Variants in RANGAP1 observed in about 807,000 individuals in gnomAD.
The protein encoded by RANGAP1 is ran GTPase-activating protein 1.
A neutral mutation model predicts 63.5 loss-of-function variants in RANGAP1; 38 were observed. The ratio of observed to expected loss-of-function variants is 0.60; its 90% CI spans 0.46 to 0.78. The LOEUF is 0.78. Ranked by LOEUF, RANGAP1 falls within the 30% of genes least tolerant of loss-of-function variation. RANGAP1 has a pLI of 0.00. For missense variants in RANGAP1, 630 were observed against 740.3 expected (o/e 0.85, Z 1.73); for synonymous variants, 329 against 310.5 (o/e 1.06, Z -0.63).
At position 41,249,331 on chromosome 22, in the gene RANGAP1, T is replaced by C. The variant is rs1202289723; in HGVS notation, c.1693A>G (p.Lys565Glu). The change falls in exon 15 of 16, where the codon AAG (lysine) becomes GAG (glutamate). Residue 565 changes from lysine (K) to glutamate (E), a missense_variant and splice_region_variant. Lys to Glu is a moderately conservative substitution (Grantham distance 56). Transcript: ENST00000356244. The stretch of plus-strand genomic sequence containing the variant: ...GCAGAAGGACAAGGCCACACTCACT[T>C]GGTCACGAACGCCAGCAGCAGGGGT... Reference protein sequence around the residue: ...LAPLLLAFVTKPNSALESCSF... With the variant: ...LAPLLLAFVTEPNSALESCSF... 6.3e-7 allele frequency: 1 copy of C among 1,599,504 alleles called. No homozygotes were observed. Among genetic ancestry groups the C allele is most frequent in the African/African-American group, 1.3e-5 (1 of 74,874 alleles).
chr22:41,259,555 T>C (rs1391748424), intron 6 of RANGAP1, among the ~76,000 whole-genome samples: 1 of 152,224 alleles, frequency 6.6e-6, no homozygotes, highest in East Asian at 1.9e-4. Flanking sequence ...TTCTTGTTAA[T>C]GCACCAAATA....
the RANGAP1 span, among the ~76,000 whole-genome samples, chr22:41,296,775 G>A: frequency 1.3e-5 from 2 of 152,118 alleles, no homozygotes; most frequent in African/African-American, 4.8e-5. Flanking sequence ...ACGTATGAGA[G>A]AGAGACACAC....
At position 41,254,319 on chromosome 22, in the gene RANGAP1, G is replaced by A. The variant is rs2033670037; in HGVS notation, c.1249C>T (p.Pro417Ser). Residue 417 changes from proline to serine, a missense_variant, in exon 11 of 16, where the codon CCT (proline) becomes TCT (serine). Transcript: ENST00000356244. Reference sequence around the variant, plus strand: ...TGATAGAAACTCACCCCAGTGTTAGGGTCCAGAATCTTCCGTGAGGGCGTG... The same window carrying A: ...TGATAGAAACTCACCCCAGTGTTAGAGTCCAGAATCTTCCGTGAGGGCGTG... ...SATPSRKILD[P>S]NTGEPAPVLS... 1 of 1,614,034 alleles carries A rather than the reference G, an allele frequency of 6.2e-7. No homozygotes were observed. Among genetic ancestry groups the A allele is most frequent in the Non-Finnish European group, 8.5e-7 (1 of 1,179,996 alleles).
chr22:41,264,536 T>C, intron 5 of RANGAP1, 128 bp downstream of exon 5: 1 of 1,219,230 alleles, frequency 8.2e-7, no homozygotes, highest in East Asian at 2.6e-5. Context: ...CTGTTGCCTT[T>C]GAGGCCTTTC....
At chr22:41,285,961 GA>G in intron 1 of RANGAP1, 24 bp downstream of exon 1, 1 of 152,956 alleles carries the variant, frequency 6.5e-6, no homozygotes, top group South Asian at 2.1e-4. Flanking sequence ...AGGTGACGGG[GA>G]AAGGAAAGGG....
At chr22:41,249,483 C>T in intron 14 of RANGAP1, 32 bp from the exon 15 acceptor site, 1 of 1,555,270 alleles carries the variant, frequency 6.4e-7, no homozygotes. Flanking sequence ...GCGGGGTGAG[C>T]TTCAAAGTCA....
At chr22:41,276,986 G>GA (rs762582801) in intron 2 of RANGAP1, among the ~76,000 whole-genome samples, 2,106 of 55,912 alleles carry the variant, frequency 0.038, 51 homozygotes, top group African/African-American at 0.11. Flanking sequence ...CTGTTTCTCA[G>GA]AAAAAAAAAA....
chr22:41,266,178 G>C (rs757825055), intron 4 of RANGAP1, among the ~76,000 whole-genome samples: 87 of 149,624 alleles, frequency 5.8e-4, no homozygotes, highest in Non-Finnish European at 6.4e-4. Context: ...CTCCAGCCTG[G>C]GAAACAGAGT....
In RANGAP1 at chr22:41,274,659, C is replaced by T. The variant is rs886134501; in HGVS notation, c.181G>A (p.Val61Met). 2 of 1,614,106 alleles carry T rather than the reference C, an allele frequency of 1.2e-6. No homozygotes were observed. Among genetic ancestry groups the T allele is most frequent in the Non-Finnish European group, 1.7e-6 (2 of 1,180,042 alleles). The change falls in exon 3 of 16, where the codon GTG becomes ATG. Residue 61 changes from valine (V) to methionine (M), a missense_variant. Transcript: ENST00000356244. The part of the protein sequence containing the change: ...LEALRLEGNT[V>M]GVEAARVIAK... ...ATGACCCTGGCTGCTTCCACGCCCA[C>T]TGTGTTGCCTTCCAGACGCAGAGCC...
intron 5 of RANGAP1, among the ~76,000 whole-genome samples, chr22:41,262,466 G>A (rs751335923): frequency 5.3e-5 from 8 of 152,196 alleles, no homozygotes; most frequent in African/African-American, 9.7e-5. Flanking sequence ...AGGATTGGCC[G>A]TACTTTACAG....
upstream of RANGAP1, chr22:41,286,226 T>G (rs1601738348): frequency 6.6e-6 from 1 of 152,332 alleles, no homozygotes; most frequent in Admixed American, 6.5e-5. Flanking sequence ...AAGCCGGCAG[T>G]TTCTTTGCTT....
intron 4 of RANGAP1, among the ~76,000 whole-genome samples, chr22:41,266,055 A>T (rs2034452716): frequency 6.6e-6 from 1 of 152,140 alleles, no homozygotes; most frequent in Non-Finnish European, 1.5e-5. Context: ...ACAAAAAATT[A>T]GCCGGGCATG....
chr22:41,271,952 A>G (rs547528815), intron 3 of RANGAP1, among the ~76,000 whole-genome samples: 1 of 152,072 alleles, frequency 6.6e-6, no homozygotes, highest in Admixed American at 6.5e-5. Context: ...GCAGTGATTC[A>G]CTCGAGCCAC....
chr22:41,249,500 G>T, intron 14 of RANGAP1, 49 bp from the exon 15 acceptor site: 1 of 1,611,250 alleles, frequency 6.2e-7, no homozygotes, highest in South Asian at 1.1e-5. Context: ...GTCACCTGGG[G>T]GGGCCCCTGG....
the RANGAP1 span, among the ~76,000 whole-genome samples, chr22:41,300,428 T>TCA: frequency 0.12 from 4,287 of 35,320 alleles, 418 homozygotes; most frequent in Non-Finnish European, 0.16. Context: ...TATTGGGAAC[T>TCA]CACACACACA....
chr22:41,270,318 T>TA (rs1421681274), intron 3 of RANGAP1, among the ~76,000 whole-genome samples: 1 of 151,874 alleles, frequency 6.6e-6, no homozygotes, highest in Non-Finnish European at 1.5e-5. Context: ...TTTTTATATA[T>TA]TTTTTAAGTA....
At position 41,252,724 on chromosome 22, in the gene RANGAP1, T is replaced by A. The variant is rs921567671; in HGVS notation, c.1380+148A>T. 15 of 928,048 alleles carry A rather than the reference T, an allele frequency of 1.6e-5. No individual in the cohort carries two copies. In the Admixed American group the frequency reaches 2.1e-4, roughly 13 times the overall value. 57.5% of individuals were successfully genotyped at this position (928,048 alleles called of 1,614,324 possible). On this transcript the variant is annotated intron_variant, in intron 12 of 15. Coordinates refer to ENST00000356244, the MANE Select transcript of RANGAP1 (RefSeq NM_002883.4). The stretch of plus-strand genomic sequence containing the variant: ...GAGGCTTATAAATACCCTGGACATT[T>A]GCGCGTGTTGTAACAGTGGCAGGCC...
At chr22:41,254,799 C>T (rs1022339039) in intron 10 of RANGAP1, 4 of 268,292 alleles carry the variant, frequency 1.5e-5, no homozygotes, top group East Asian at 3.5e-4. Flanking sequence ...GGTGAAACCC[C>T]GTCTCTACTA....
the RANGAP1 span, among the ~76,000 whole-genome samples, chr22:41,293,103 C>T: frequency 6.6e-6 from 1 of 151,560 alleles, no homozygotes; most frequent in East Asian, 2.0e-4. Context: ...GGCGTGTTGG[C>T]GGGCGCCTGT....
Sources: gnomAD v4.1 joint callset for allele counts (sites outside exome capture counted in the v4.1 genomes callset) on GRCh38, gnomAD v4.1.1 for gene constraint, MANE v1.5 for transcripts, NCBI Gene and HGNC (gene_info 2026-07-23, HGNC 2026-07-21) for gene names.